The following CTPS2 variants were observed in gnomAD, a reference collection of about 807,000 sequenced individuals.
CTPS2 encodes CTP synthase II.
In CTPS2, 19 loss-of-function variants were observed where a neutral mutation model predicts 46.8. That is an observed-to-expected ratio of 0.41 (90% confidence interval 0.28 to 0.60). CTPS2 has a LOEUF of 0.60. CTPS2 is among the 20% of genes least tolerant of loss of function. The probability of loss-of-function intolerance (pLI) is 0.35; values close to 1 mark genes in which losing one functional copy is unlikely to be tolerated. For synonymous variants in CTPS2, 151 were observed against 165.2 expected, an observed-to-expected ratio of 0.91 and a Z score of 0.66; for missense variants, 286 against 447.6, an observed-to-expected ratio of 0.64 and a Z score of 3.26.
At chrX:16,669,968 A>G (rs1440776396) in intron 11 of CTPS2, among the ~76,000 whole-genome samples, 1 of 110,963 alleles carries the variant, frequency 9.0e-6, no homozygotes, top group African/African-American at 3.3e-5. Flanking sequence ...TCAAGCCTGT[A>G]ATCCCCACAC....
intron 17 of CTPS2, among the ~76,000 whole-genome samples, chrX:16,591,295 T>C (rs73448214): frequency 0.025 from 2,813 of 111,520 alleles, 95 homozygotes; most frequent in African/African-American, 0.086. Flanking sequence ...GATGGACCCA[T>C]TTATTTTCTG....
chrX:16,691,657 A>G, intron 6 of CTPS2, 37 bp from the exon 7 acceptor site: 1 of 1,094,375 alleles, frequency 9.1e-7, no homozygotes, highest in Non-Finnish European at 1.3e-6. Context: ...AACAGGATTC[A>G]CTTTCAGCAG....
intron 7 of CTPS2, among the ~76,000 whole-genome samples, chrX:16,689,822 C>T (rs770051532): frequency 8.1e-5 from 9 of 111,593 alleles, no homozygotes; most frequent in Admixed American, 5.8e-4. Flanking sequence ...GAGGCCGAGG[C>T]GGGCAGATCA....
At chrX:16,693,005 C>T in intron 6 of CTPS2, 136 bp downstream of exon 6, 2 of 478,128 alleles carry the variant, frequency 4.2e-6, no homozygotes, top group Middle Eastern at 5.9e-4. Flanking sequence ...TGCAATGAGC[C>T]AAGACTGCAC....
chrX:16,590,923 A>C (rs1001420791), intron 17 of CTPS2, 61 bp from the exon 18 acceptor site: 20 of 838,042 alleles, frequency 2.4e-5, no homozygotes, highest in Non-Finnish European at 3.5e-5. Context: ...CAATTATTCA[A>C]TTTGCAATTT....
intron 14 of CTPS2, among the ~76,000 whole-genome samples, chrX:16,629,002 C>T (rs1931318331): frequency 8.9e-6 from 1 of 112,170 alleles, no homozygotes. Flanking sequence ...CACAAGAACC[C>T]CATGAGGCGG....
rs148568257 is a variant in CTPS2, at chrX:16,667,630, A to C, written c.1252+32T>G. The C allele has an allele frequency of 9.4e-4, 1,139 of 1,206,441 alleles. 7 individuals carry two copies. In the African/African-American group the frequency reaches 0.018, roughly 19 times the overall value. ...ATATTTGAAGAGAGAAAATTTTTTA[A>C]ATAAATGGTCATTAGCAAACCTCGA... On this transcript the variant is annotated intron_variant, in intron 12 of 18. Transcript: ENST00000359276.
At position 16,588,440 on chromosome X, in the gene CTPS2, T is replaced by C. The variant is rs1569183306; in HGVS notation, c.*1377A>G. On this transcript the variant is annotated 3_prime_UTR_variant, in exon 19 of 19. Coordinates refer to ENST00000359276, the MANE Select transcript of CTPS2 (RefSeq NM_175859.3). ...GAACAATACAGAAAGGCCATTTTCTTTGTATGACTAAAGCCTCGAGGTTAG... is the reference window on the plus strand; with the variant it reads ...GAACAATACAGAAAGGCCATTTTCTCTGTATGACTAAAGCCTCGAGGTTAG... 1 of 111,673 alleles carries C rather than the reference T, an allele frequency of 9.0e-6. No homozygotes were observed. Among genetic ancestry groups the C allele is most frequent in the Non-Finnish European group, 1.9e-5 (1 of 53,172 alleles). 9.2% of individuals were successfully genotyped at this position (111,673 alleles called of 1,213,427 possible). A position where few individuals can be genotyped will look rare whatever the true frequency, so the allele number is the denominator to read the frequency against.
Position 16,647,732 on chromosome X carries a change from C to T in CTPS2, c.1297-8489G>A, listed in dbSNP as rs186047597. ...GGGTGTATTATATAGAACATGTTAT[C>T]TTTCATCCTATATCGTTACTAAGAT... On this transcript the variant is annotated intron_variant, in intron 13 of 18. Transcript: ENST00000359276. Among the ~76,000 whole-genome samples the T allele has an allele frequency of 1.7e-4, 19 of 111,280 alleles. No homozygotes were observed. In the Admixed American group the frequency reaches 1.8e-3, roughly 11 times the overall value.
At chrX:16,604,414 A>T (rs1256960544) in intron 17 of CTPS2, among the ~76,000 whole-genome samples, 1 of 112,605 alleles carries the variant, frequency 8.9e-6, no homozygotes, top group Non-Finnish European at 1.9e-5. Context: ...AGTTGTGCCT[A>T]AACTTGGTGT....
At chrX:16,596,163 C>T (rs977521135) in intron 17 of CTPS2, among the ~76,000 whole-genome samples, 5 of 109,233 alleles carry the variant, frequency 4.6e-5, no homozygotes, top group Admixed American at 9.7e-5. Flanking sequence ...TGTGAGCCAC[C>T]ATGCCTCGCC....
intron 4 of CTPS2, among the ~76,000 whole-genome samples, chrX:16,694,909 C>A (rs761864317): frequency 2.7e-4 from 30 of 111,323 alleles, no homozygotes; most frequent in Non-Finnish European, 5.5e-4. Context: ...GTGGGAGGAT[C>A]GCTTGAGCCT....
At chrX:16,676,044 C>A (rs1470781534) in intron 10 of CTPS2, among the ~76,000 whole-genome samples, 1 of 111,895 alleles carries the variant, frequency 8.9e-6, no homozygotes, top group Admixed American at 9.5e-5. Flanking sequence ...TTTCTCTCTA[C>A]CTGATTTGTC....
At chrX:16,624,516 C>T (rs1388706997) in intron 14 of CTPS2, among the ~76,000 whole-genome samples, 1 of 111,751 alleles carries the variant, frequency 8.9e-6, no homozygotes, top group African/African-American at 3.3e-5. Flanking sequence ...CACAAGTCAC[C>T]CTGACATGCA....
intron 11 of CTPS2, among the ~76,000 whole-genome samples, chrX:16,669,019 G>C (rs1427305723): frequency 9.0e-6 from 1 of 111,471 alleles, no homozygotes; most frequent in African/African-American, 3.3e-5. Flanking sequence ...CTTGGCCAGA[G>C]GTTGAGTGCC....
At chrX:16,596,803 CCCA>C (rs1293960310) in intron 17 of CTPS2, among the ~76,000 whole-genome samples, 16 of 106,425 alleles carry the variant, frequency 1.5e-4, no homozygotes, top group African/African-American at 5.8e-4. Flanking sequence ...AGTTGACAGT[CCCA>C]CCAACGGTGT....
chrX:16,607,439 G>A (rs757777237), intron 17 of CTPS2, among the ~76,000 whole-genome samples: 19 of 112,699 alleles, frequency 1.7e-4, no homozygotes, highest in African/African-American at 5.2e-4. Context: ...AGCTGAAGCA[G>A]GAAGGAGCCC....
intron 17 of CTPS2, chrX:16,591,083 G>C: frequency 3.4e-6 from 1 of 290,533 alleles, no homozygotes; most frequent in Non-Finnish European, 6.0e-6. Context: ...TATTTTCATC[G>C]TAAACTGGAA....
chrX:16,643,340 C>G (rs975827528), intron 13 of CTPS2, among the ~76,000 whole-genome samples: 14 of 111,550 alleles, frequency 1.3e-4, no homozygotes, highest in African/African-American at 4.2e-4. Flanking sequence ...TTTCCAGACT[C>G]TTAGGCAACA....
Sources: allele counts gnomAD v4.1 joint callset (sites outside exome capture counted in the v4.1 genomes callset), GRCh38; gene constraint gnomAD v4.1.1; transcripts MANE v1.5; gene names NCBI Gene and HGNC (gene_info 2026-07-23, HGNC 2026-07-21).